The following NBPF20 variants were observed in gnomAD, a reference collection of about 807,000 sequenced individuals.
NBPF20 encodes NBPF family member NBPF20.
In NBPF20, 90 loss-of-function variants were observed where a neutral mutation model predicts 68.1. The ratio of observed to expected loss-of-function variants is 1.32; its 90% confidence interval spans 1.11 to 1.58. NBPF20 has a LOEUF of 1.58. Ranked by LOEUF, NBPF20 falls within the 40% of genes most tolerant of loss-of-function variation. The probability of loss-of-function intolerance (pLI) is 0.00; values close to 1 mark genes in which losing one functional copy is unlikely to be tolerated. For synonymous variants in NBPF20, 290 were observed against 228.1 expected (o/e 1.27, Z -2.45); for missense variants, 816 against 601.2 (o/e 1.36, Z -3.74).
At chr1:145,291,648 C>G in exon 138 of NBPF20, 1 of 1,611,904 alleles carries the variant, frequency 6.2e-7, no homozygotes, top group Non-Finnish European at 8.5e-7. Flanking sequence ...GAGTAAAACA[C>G]ACTTCTGTAG....
At chr1:145,291,858 G>C in intron 137 of NBPF20, 89 bp from the exon 143 acceptor site, 3 of 1,604,332 alleles carry the variant, frequency 1.9e-6, no homozygotes, top group Non-Finnish European at 2.5e-6. Context: ...ATAAGGAAGT[G>C]GTTAGAAAAG....
chr1:145,292,514 G>A lies in NBPF20; in HGVS notation c.16589-25C>T, dbSNP rs782107386. On this transcript the variant is annotated intron_variant, in intron 136 of 137. Coordinates refer to ENST00000369373, the Ensembl canonical transcript of NBPF20. ...TCTGCAATAAATTCAGACATGGACA[G>A]ACACATTAAGCTGATTCCCCTACAC... 14 of 696,336 alleles carry A rather than the reference G, an allele frequency of 2.0e-5. No individual in the cohort carries two copies. The East Asian group carries it at 2.5e-4, about 12-fold the overall frequency. The allele number at this position is 696,336 out of a possible 1,614,324, so 43.1% of individuals were successfully genotyped here.
At chr1:145,411,792 T>A in the NBPF20 span, among the ~76,000 whole-genome samples, 205 of 33,568 alleles carry the variant, frequency 6.1e-3, 77 homozygotes, top group East Asian at 0.11. Context: ...TAATTTGACA[T>A]AAAGTGCTAC....
exon 138 of NBPF20, chr1:145,291,729 A>G (rs1553657733): frequency 6.2e-7 from 1 of 1,611,878 alleles, no homozygotes; most frequent in Non-Finnish European, 8.5e-7. Context: ...GAGTCCTGTA[A>G]GACTTCAGGC....
At chr1:145,399,147 T>C in intron 6 of NBPF20, 47 bp from the exon 12 acceptor site, 1 of 648,328 alleles carries the variant, frequency 1.5e-6, no homozygotes, top group South Asian at 1.8e-5. Flanking sequence ...AATTCATACT[T>C]CACATATGAA....
chr1:145,403,349 G>A, intron 2 of NBPF20, 31 bp from the exon 8 acceptor site: 1 of 1,549,756 alleles, frequency 6.5e-7, no homozygotes, highest in African/African-American at 1.4e-5. Flanking sequence ...CTGCCTCAGT[G>A]GAAGGCTGGA....
chr1:145,406,411 T>A (rs1553667504), upstream of NBPF20, among the ~76,000 whole-genome samples: 1 of 151,094 alleles, frequency 6.6e-6, no homozygotes, highest in Non-Finnish European at 1.5e-5. Flanking sequence ...CATAAGTAAC[T>A]ATGAATATTC....
chr1:145,415,099 A>G, the NBPF20 span, among the ~76,000 whole-genome samples: 1 of 151,952 alleles, frequency 6.6e-6, no homozygotes, highest in African/African-American at 2.4e-5. Flanking sequence ...GCAGGACAAT[A>G]GGATAATAGT....
intron 8 of NBPF20, among the ~76,000 whole-genome samples, chr1:145,394,399 A>T (rs1378350284): frequency 6.6e-6 from 1 of 152,080 alleles, no homozygotes; most frequent in Non-Finnish European, 1.5e-5. Context: ...ATCAGCTATT[A>T]TGGCTTTTGT....
chr1:145,292,586 C>G, intron 136 of NBPF20, 97 bp from the exon 142 acceptor site: 1 of 742,144 alleles, frequency 1.3e-6, no homozygotes, highest in Non-Finnish European at 2.4e-6. Context: ...CTCAGGCTCC[C>G]CAGCATAAGA....
In NBPF20 at chr1:145,291,423, C is replaced by T. The variant is rs587613544; in HGVS notation, c.*103G>A. The T allele has an allele frequency of 7.5e-6, 12 of 1,608,728 alleles. No homozygotes were observed. The East Asian group carries it at 1.8e-4, about 24-fold the overall frequency. Reference sequence around the variant, plus strand: ...AATACAGCCATGCCCACTGACCCATCCTATGTCTGGGCTTCCAAATGGAAC... The same window carrying T: ...AATACAGCCATGCCCACTGACCCATTCTATGTCTGGGCTTCCAAATGGAAC... On this transcript the variant is annotated 3_prime_UTR_variant, in exon 138 of 138. Transcript: ENST00000369373.
At chr1:145,292,178 T>C (rs1284017875) in intron 137 of NBPF20, among the ~76,000 whole-genome samples, 2 of 149,934 alleles carry the variant, frequency 1.3e-5, no homozygotes, top group Non-Finnish European at 2.9e-5. Context: ...TGAAGTATGG[T>C]CAACCTATGG....
the NBPF20 span, among the ~76,000 whole-genome samples, chr1:145,425,260 C>T: frequency 4.0e-5 from 6 of 149,908 alleles, no homozygotes; most frequent in Non-Finnish European, 7.4e-5. Flanking sequence ...CTCCGTCGCT[C>T]GCAACAAAGC....
chr1:145,292,440 C>A (rs1471664349), exon 137 of NBPF20: 2 of 709,890 alleles, frequency 2.8e-6, no homozygotes, highest in Non-Finnish European at 5.0e-6. Flanking sequence ...TTCTTTTCTT[C>A]TTTGATCTTC....
intron 2 of NBPF20, among the ~76,000 whole-genome samples, chr1:145,404,601 T>C (rs1662682214): frequency 6.6e-6 from 1 of 152,066 alleles, no homozygotes; most frequent in East Asian, 1.9e-4. Context: ...TAGCACAGGT[T>C]CTATTAGGAG....
At chr1:145,291,704 T>A (rs1331104546) in exon 138 of NBPF20, 5 of 1,611,768 alleles carry the variant, frequency 3.1e-6, no homozygotes, top group African/African-American at 1.3e-5. Flanking sequence ...CGGAGTAGAA[T>A]AACATCCATC....
At chr1:145,408,621 C>A (rs1349194046), upstream of NBPF20, among the ~76,000 whole-genome samples, 2 of 151,654 alleles carry the variant, frequency 1.3e-5, no homozygotes, top group Non-Finnish European at 2.9e-5. Context: ...TTTTCAAATA[C>A]ATTTTGAAAC....
the NBPF20 span, among the ~76,000 whole-genome samples, chr1:145,419,175 AGGAG>A: frequency 7.7e-6 from 1 of 130,618 alleles, no homozygotes; most frequent in African/African-American, 2.9e-5. Context: ...GTGGAAGGGA[AGGAG>A]GGAGGGAAAG....
At chr1:145,341,151 G>C (rs1661611350) in intron 75 of NBPF20, among the ~76,000 whole-genome samples, 1 of 80,418 alleles carries the variant, frequency 1.2e-5, no homozygotes. Context: ...GACAGAGACA[G>C]AGAGAGAGAC....
Sources: gnomAD v4.1 joint callset for allele counts (sites outside exome capture counted in the v4.1 genomes callset) on GRCh38, gnomAD v4.1.1 for gene constraint, MANE v1.5 for transcripts, NCBI Gene and HGNC (gene_info 2026-07-23, HGNC 2026-07-21) for gene names.